The following ZMAT4 variants were observed in gnomAD, a reference collection of about 807,000 sequenced individuals.
ZMAT4 encodes zinc finger matrin-type protein 4.
In ZMAT4, 17 loss-of-function variants were observed where a neutral mutation model predicts 28.7. The observed-to-expected ratio is 0.59, with a 90% CI of 0.41 to 0.89. The LOEUF is 0.89. ZMAT4 is among the 40% of genes least tolerant of loss of function. ZMAT4 has a pLI of 0.00. For synonymous variants in ZMAT4, 117 were observed against 109.2 expected, an observed-to-expected ratio of 1.07 and a Z score of -0.44; for missense variants, 240 against 283.8, an observed-to-expected ratio of 0.85 and a Z score of 1.11.
chr8:40,555,183 T>G (rs923458983), intron 6 of ZMAT4, among the ~76,000 whole-genome samples: 3 of 152,192 alleles, frequency 2.0e-5, no homozygotes, highest in Admixed American at 2.0e-4. Flanking sequence ...TATTCCATTG[T>G]GTATATACTA....
intron 5 of ZMAT4, among the ~76,000 whole-genome samples, chr8:40,615,709 T>C (rs74546453): frequency 1.5e-4 from 23 of 152,224 alleles, no homozygotes. Flanking sequence ...TTTCTTCCAG[T>C]TGATCGAATC....
chr8:40,707,523 A>C (rs987261463), intron 3 of ZMAT4, among the ~76,000 whole-genome samples: 8 of 152,264 alleles, frequency 5.3e-5, no homozygotes, highest in Non-Finnish European at 8.8e-5. Flanking sequence ...AAAAGAATGC[A>C]TTGTATGGAA....
At chr8:40,677,519 T>G (rs1808962336) in intron 4 of ZMAT4, among the ~76,000 whole-genome samples, 1 of 152,144 alleles carries the variant, frequency 6.6e-6, no homozygotes, top group African/African-American at 2.4e-5. Flanking sequence ...AGACACACCA[T>G]CTCTTTTAAA....
intron 2 of ZMAT4, among the ~76,000 whole-genome samples, chr8:40,783,239 C>A (rs577307786): frequency 6.6e-6 from 1 of 152,310 alleles, no homozygotes; most frequent in African/African-American, 2.4e-5. Context: ...GAATGAAACT[C>A]TCACACATGC....
chr8:40,543,247 T>G (rs1333430698), intron 6 of ZMAT4, among the ~76,000 whole-genome samples: 1 of 152,138 alleles, frequency 6.6e-6, no homozygotes, highest in Non-Finnish European at 1.5e-5. Context: ...AACGTGCTGA[T>G]AGGCCACGGA....
intron 1 of ZMAT4, among the ~76,000 whole-genome samples, chr8:40,855,787 C>T (rs1817275218): frequency 6.6e-6 from 1 of 151,808 alleles, no homozygotes; most frequent in Non-Finnish European, 1.5e-5. Context: ...GCAATCTTCT[C>T]ACTTCAGCCT....
intron 5 of ZMAT4, among the ~76,000 whole-genome samples, chr8:40,668,468 C>CAAAAAAAAAAAAAAAAAAAAAA (rs71224843): frequency 9.4e-5 from 8 of 85,020 alleles, no homozygotes; most frequent in Non-Finnish European, 1.6e-4. Flanking sequence ...GACTTTGTCT[C>CAAAAAAAAAAAAAAAAAAAAAA]AAAAAAAAAA....
chr8:40,756,426 T>TTTTATATATATATATA (rs1389568182), intron 3 of ZMAT4, among the ~76,000 whole-genome samples: 7 of 73,282 alleles, frequency 9.6e-5, no homozygotes, highest in African/African-American at 4.2e-4. Context: ...AAATGTTCTT[T>TTTTATATATATATATA]TATATATATA....
chr8:40,593,536 C>G (rs973317614), intron 5 of ZMAT4, among the ~76,000 whole-genome samples: 1 of 152,056 alleles, frequency 6.6e-6, no homozygotes, highest in African/African-American at 2.4e-5. Flanking sequence ...TGACAACTGT[C>G]GAAGGATTGT....
intron 1 of ZMAT4, among the ~76,000 whole-genome samples, chr8:40,858,731 C>T (rs1056602052): frequency 1.3e-5 from 2 of 152,196 alleles, no homozygotes; most frequent in Admixed American, 6.5e-5. Context: ...CTTCAAGGTA[C>T]TAGCAAGGTC....
At chr8:40,891,862 T>G (rs1172031614) in intron 1 of ZMAT4, among the ~76,000 whole-genome samples, 5 of 152,220 alleles carry the variant, frequency 3.3e-5, no homozygotes, top group African/African-American at 9.6e-5. Context: ...GCTTTCTTCT[T>G]TCTTCTCAGG....
intron 1 of ZMAT4, among the ~76,000 whole-genome samples, chr8:40,891,064 C>T (rs1242588836): frequency 1.3e-5 from 2 of 150,866 alleles, no homozygotes; most frequent in Non-Finnish European, 3.0e-5. Flanking sequence ...CTGGATGCGG[C>T]AGTGTGTGCT....
At chr8:40,601,641 AAAG>A (rs1805371252) in intron 5 of ZMAT4, among the ~76,000 whole-genome samples, 3 of 32,450 alleles carry the variant, frequency 9.2e-5, no homozygotes, top group Non-Finnish European at 2.1e-4. Flanking sequence ...AAAGAGAAAG[AAAG>A]AAAGAAAGAA....
chr8:40,630,074 A>C (rs1349993577), intron 5 of ZMAT4, among the ~76,000 whole-genome samples: 2 of 152,138 alleles, frequency 1.3e-5, no homozygotes, highest in African/African-American at 4.8e-5. Flanking sequence ...TCTGCTCCAC[A>C]GGGCAGGTTC....
chr8:40,881,424 G>GAAGAAAGAGAGA (rs1193447891), intron 1 of ZMAT4, among the ~76,000 whole-genome samples: 24 of 71,136 alleles, frequency 3.4e-4, no homozygotes, highest in African/African-American at 1.2e-3. Context: ...GGAAGAAAAA[G>GAAGAAAGAGAGA]AAGAAAGAGA....
intron 1 of ZMAT4, among the ~76,000 whole-genome samples, chr8:40,862,230 C>T (rs944249551): frequency 1.3e-4 from 20 of 152,128 alleles, no homozygotes; most frequent in African/African-American, 4.8e-4. Flanking sequence ...CCATGGAATA[C>T]TATGCAGCCA....
At chr8:40,624,765 G>C (rs1806311665) in intron 5 of ZMAT4, among the ~76,000 whole-genome samples, 1 of 152,120 alleles carries the variant, frequency 6.6e-6, no homozygotes, top group South Asian at 2.1e-4. Flanking sequence ...AAAGCAAAAA[G>C]AGCTGGTCAA....
chr8:40,806,056 G>A (rs1288894751), intron 2 of ZMAT4, among the ~76,000 whole-genome samples: 2 of 151,956 alleles, frequency 1.3e-5, no homozygotes, highest in South Asian at 2.1e-4. Context: ...TTGTTATCAC[G>A]AAAAAGGGGA....
At chr8:40,709,910 C>T (rs572249499) in intron 3 of ZMAT4, among the ~76,000 whole-genome samples, 3 of 151,820 alleles carry the variant, frequency 2.0e-5, no homozygotes, top group South Asian at 2.1e-4. Flanking sequence ...TGGTGGTGCT[C>T]GCCTGTAATC....
Sources: allele counts gnomAD v4.1 joint callset (sites outside exome capture counted in the v4.1 genomes callset), GRCh38; gene constraint gnomAD v4.1.1; transcripts MANE v1.5; gene names NCBI Gene and HGNC (gene_info 2026-07-23, HGNC 2026-07-21).